The following HS2ST1 variants were observed in gnomAD, a reference collection of about 807,000 sequenced individuals.
HS2ST1 encodes heparan sulfate 2-O-sulfotransferase 1, also known as 2-O-sulfotransferase.
A neutral mutation model predicts 42.9 loss-of-function variants in HS2ST1; 18 were observed. That is an observed-to-expected ratio of 0.42 (90% CI 0.29 to 0.62). The LOEUF is 0.62. HS2ST1 is among the 20% of genes least tolerant of loss of function. The pLI is 0.21. For synonymous variants in HS2ST1, 146 were observed against 152.9 expected (o/e 0.95, Z 0.33); for missense variants, 334 against 433.8 (o/e 0.77, Z 2.04).
At chr1:87,005,091 C>T (rs758038168) in intron 1 of HS2ST1, among the ~76,000 whole-genome samples, 1 of 152,130 alleles carries the variant, frequency 6.6e-6, no homozygotes, top group South Asian at 2.1e-4. Context: ...TTATCATGTC[C>T]CTCTGGTAAG....
At chr1:86,929,444 A>G (rs1464308238) in intron 1 of HS2ST1, among the ~76,000 whole-genome samples, 1 of 151,814 alleles carries the variant, frequency 6.6e-6, no homozygotes, top group African/African-American at 2.4e-5. Context: ...GGCAATTCAT[A>G]TTGTTATTTG....
At position 87,106,910 on chromosome 1, in the gene HS2ST1, C is replaced by T. The variant is rs1652336909; in HGVS notation, c.*2214C>T. The T allele has an allele frequency of 1.3e-5, 2 of 152,144 alleles. No individual in the cohort carries two copies. The highest frequency in any genetic ancestry group is 4.8e-5 in the African/African-American group (2 of 41,526). The allele number at this position is 152,144 out of a possible 1,614,324, so 9.4% of individuals were successfully genotyped here. A position where few individuals can be genotyped will look rare whatever the true frequency, so the allele number is the denominator to read the frequency against. On this transcript the variant is annotated 3_prime_UTR_variant, in exon 7 of 7. Transcript: ENST00000370550. ...TAGAGCAGTACTTGGTGAACTAGAT[C>T]AGGAGGTCAGTAAACTTTCTGTGGA...
chr1:87,034,429 T>C (rs1283465238), intron 1 of HS2ST1, among the ~76,000 whole-genome samples: 1 of 152,170 alleles, frequency 6.6e-6, no homozygotes, highest in African/African-American at 2.4e-5. Context: ...AAATTAACAA[T>C]GGATTGATAA....
At chr1:86,965,708 T>C (rs1305791853) in intron 1 of HS2ST1, among the ~76,000 whole-genome samples, 3 of 152,098 alleles carry the variant, frequency 2.0e-5, no homozygotes, top group Non-Finnish European at 4.4e-5. Context: ...CTAGGATAAA[T>C]GACCCTTGGA....
chr1:87,012,711 G>A (rs940762372), intron 1 of HS2ST1, among the ~76,000 whole-genome samples: 6 of 152,078 alleles, frequency 3.9e-5, no homozygotes, highest in Non-Finnish European at 7.4e-5. Flanking sequence ...TGTCTCATCT[G>A]GGACAAGGCA....
intron 3 of HS2ST1, among the ~76,000 whole-genome samples, chr1:87,089,528 T>C (rs1364937657): frequency 1.3e-5 from 2 of 152,040 alleles, no homozygotes; most frequent in African/African-American, 4.8e-5. Context: ...CTATATAAAC[T>C]AGCTCCTATA....
intron 1 of HS2ST1, among the ~76,000 whole-genome samples, chr1:87,064,161 C>G (rs887999377): frequency 1.3e-5 from 2 of 152,166 alleles, no homozygotes; most frequent in African/African-American, 2.4e-5. Context: ...TTCTATCTTG[C>G]TATGCTGTTC....
intron 1 of HS2ST1, among the ~76,000 whole-genome samples, chr1:86,957,128 AGACATTTATAGTCTAAGTTTCAG>A (rs1251406301): frequency 6.6e-6 from 1 of 152,226 alleles, no homozygotes; most frequent in Non-Finnish European, 1.5e-5. Context: ...ACAAGTTTCT[AGACATTTATAGTCTAAGTTTCAG>A]GACATTTATA....
intron 1 of HS2ST1, among the ~76,000 whole-genome samples, chr1:86,956,187 A>C (rs576973849): frequency 5.3e-4 from 71 of 133,990 alleles, no homozygotes; most frequent in African/African-American, 2.2e-3. Flanking sequence ...GGGGTTATTT[A>C]CTGGGGTGGA....
At chr1:87,091,699 G>T (rs973822907) in intron 3 of HS2ST1, among the ~76,000 whole-genome samples, 1 of 151,888 alleles carries the variant, frequency 6.6e-6, no homozygotes, top group East Asian at 1.9e-4. Context: ...AAATGACTTT[G>T]AAATTTTATT....
chr1:86,944,149 C>G (rs1215880860), intron 1 of HS2ST1, among the ~76,000 whole-genome samples: 2 of 151,882 alleles, frequency 1.3e-5, no homozygotes, highest in Admixed American at 6.6e-5. Context: ...TGCAAATACC[C>G]TAAAATTAAG....
intron 1 of HS2ST1, among the ~76,000 whole-genome samples, chr1:86,960,667 T>C (rs1647811648): frequency 6.6e-6 from 1 of 152,186 alleles, no homozygotes; most frequent in South Asian, 2.1e-4. Flanking sequence ...AAGCAAGCAT[T>C]TCAAAAGATG....
intron 1 of HS2ST1, among the ~76,000 whole-genome samples, chr1:86,920,639 T>C (rs1028341801): frequency 6.6e-6 from 1 of 152,140 alleles, no homozygotes; most frequent in African/African-American, 2.4e-5. Context: ...CTTAGAGAAA[T>C]TGAAATAATA....
At chr1:87,001,594 A>G (rs919629344) in intron 1 of HS2ST1, among the ~76,000 whole-genome samples, 4 of 152,238 alleles carry the variant, frequency 2.6e-5, no homozygotes, top group Non-Finnish European at 4.4e-5. Context: ...TGTTTATGAA[A>G]AGTTGTTATT....
At chr1:87,059,180 C>T (rs4656139) in intron 1 of HS2ST1, among the ~76,000 whole-genome samples, 105,987 of 152,118 alleles carry the variant, frequency 0.7, 39,193 homozygotes, top group East Asian at 0.97. Flanking sequence ...AATTGCCATA[C>T]GTTTTTTTGC....
chr1:87,028,486 A>G (rs1248146242), intron 1 of HS2ST1, among the ~76,000 whole-genome samples: 2 of 152,258 alleles, frequency 1.3e-5, no homozygotes, highest in Admixed American at 6.5e-5. Flanking sequence ...TGTGGCTGGC[A>G]TAGCCAGTTG....
At chr1:87,021,639 T>C (rs1649956049) in intron 1 of HS2ST1, among the ~76,000 whole-genome samples, 1 of 152,172 alleles carries the variant, frequency 6.6e-6, no homozygotes, top group African/African-American at 2.4e-5. Flanking sequence ...CTCAGTCTCC[T>C]GAGTAGTCGG....
At chr1:87,062,740 A>G (rs1003840649) in intron 1 of HS2ST1, among the ~76,000 whole-genome samples, 2 of 152,128 alleles carry the variant, frequency 1.3e-5, no homozygotes, top group Non-Finnish European at 2.9e-5. Flanking sequence ...TACTGGCAAT[A>G]AATGCTAATT....
intron 1 of HS2ST1, among the ~76,000 whole-genome samples, chr1:86,964,135 C>G (rs947714667): frequency 2.0e-5 from 3 of 151,788 alleles, no homozygotes; most frequent in African/African-American, 7.3e-5. Context: ...GGCAGAGACG[C>G]TCCTCACTTC....
Sources: gnomAD v4.1 joint callset for allele counts (sites outside exome capture counted in the v4.1 genomes callset) on GRCh38, gnomAD v4.1.1 for gene constraint, MANE v1.5 for transcripts, NCBI Gene and HGNC (gene_info 2026-07-23, HGNC 2026-07-21) for gene names.